SLC1A7: variants seen among roughly 807,000 people sequenced by gnomAD.
SLC1A7 encodes the protein solute carrier family 1 member 7.
SLC1A7 carries 40 observed loss-of-function variants against 47.7 expected under a neutral mutation model. The observed-to-expected ratio is 0.84, with a 90% CI of 0.65 to 1.09. SLC1A7 has a LOEUF of 1.09. SLC1A7 is among the 50% of genes least tolerant of loss of function. The pLI is 0.00. For missense variants in SLC1A7, 746 were observed against 769.5 expected (o/e 0.97, Z 0.36); for synonymous variants, 323 against 325.6 (o/e 0.99, Z 0.09).
chr1:53,127,914 C>T (rs996686422), intron 2 of SLC1A7, among the ~76,000 whole-genome samples: 4 of 152,208 alleles, frequency 2.6e-5, no homozygotes, highest in Non-Finnish European at 4.4e-5. Flanking sequence ...ACCTGGATTG[C>T]AGCCTAAGAC....
chr1:53,122,315 C>T (rs1644834853), intron 2 of SLC1A7, among the ~76,000 whole-genome samples: 1 of 152,204 alleles, frequency 6.6e-6, no homozygotes, highest in South Asian at 2.1e-4. Flanking sequence ...AGCCCCAAGC[C>T]CTGCAGCCAA....
intron 1 of SLC1A7, among the ~76,000 whole-genome samples, chr1:53,141,858 C>T (rs968814274): frequency 1.3e-5 from 2 of 152,178 alleles, no homozygotes; most frequent in Non-Finnish European, 2.9e-5. Flanking sequence ...CCACGTGTGG[C>T]GATGGGACCT....
intron 5 of SLC1A7, among the ~76,000 whole-genome samples, chr1:53,100,777 TCACA>T (rs955920278): frequency 1.6e-5 from 2 of 123,572 alleles, no homozygotes; most frequent in Non-Finnish European, 1.7e-5. Context: ...CTTGGTATAC[TCACA>T]CACTTTGCTT....
intron 2 of SLC1A7, among the ~76,000 whole-genome samples, chr1:53,130,427 C>T (rs74082782): frequency 0.067 from 10,225 of 151,924 alleles, 394 homozygotes; most frequent in Middle Eastern, 0.15. Flanking sequence ...AGCCAGGCTT[C>T]GAGGCCCAGA....
intron 2 of SLC1A7, among the ~76,000 whole-genome samples, chr1:53,118,020 G>A (rs1193901138): frequency 1.3e-5 from 2 of 152,210 alleles, no homozygotes; most frequent in African/African-American, 4.8e-5. Flanking sequence ...GGCAGCACAG[G>A]CCAGCCTCCC....
chr1:53,087,946 G>T lies in SLC1A7; in HGVS notation c.*63C>A. 3 of 1,036,278 alleles carry T rather than the reference G, an allele frequency of 2.9e-6. No homozygotes were observed. Among genetic ancestry groups the T allele is most frequent in the Non-Finnish European group, 4.1e-6 (3 of 734,528 alleles). 64.2% of individuals were successfully genotyped at this position (1,036,278 alleles called of 1,614,324 possible). On this transcript the variant is annotated 3_prime_UTR_variant, in exon 11 of 11. Coordinates refer to ENST00000371494, the MANE Select transcript of SLC1A7 (RefSeq NM_006671.6). ...GCCGGCTGCTCAGGAGGGTTGGAGA[G>T]TCGAGTTCCTGCCTCAGGACCCTGC...
At chr1:53,095,230 G>A (rs1035864383) in intron 5 of SLC1A7, among the ~76,000 whole-genome samples, 39 of 150,954 alleles carry the variant, frequency 2.6e-4, no homozygotes, top group Non-Finnish European at 5.3e-4. Flanking sequence ...ACAGGCACAG[G>A]TAAGCCAGGC....
At chr1:53,106,599 CAA>C (rs5774135) in intron 3 of SLC1A7, among the ~76,000 whole-genome samples, 8 of 137,504 alleles carry the variant, frequency 5.8e-5, no homozygotes, top group Admixed American at 1.5e-4. Flanking sequence ...GACACCGTCT[CAA>C]AAAAAAAAAA....
chr1:53,090,903 C>A (rs934402452), intron 7 of SLC1A7, 97 bp from the exon 8 acceptor site: 1 of 1,548,924 alleles, frequency 6.5e-7, no homozygotes, highest in Non-Finnish European at 8.7e-7. Flanking sequence ...GCCACCCCGC[C>A]AGGAGTGTTT....
At chr1:53,120,477 T>C (rs538398571) in intron 2 of SLC1A7, among the ~76,000 whole-genome samples, 75 of 152,098 alleles carry the variant, frequency 4.9e-4, no homozygotes, top group Non-Finnish European at 9.4e-4. Flanking sequence ...TTCCCTGCCC[T>C]GCGTCCCCTG....
chr1:53,093,735 A>ACAT (rs1053930624), intron 5 of SLC1A7, among the ~76,000 whole-genome samples, 175 bp from the exon 6 acceptor site: 7 of 40,086 alleles, frequency 1.7e-4, no homozygotes, highest in Middle Eastern at 0.012. Flanking sequence ...CAGTGCTCTC[A>ACAT]CGTCCTCCTC....
chr1:53,116,612 A>G (rs1383745644), intron 2 of SLC1A7, among the ~76,000 whole-genome samples: 1 of 152,196 alleles, frequency 6.6e-6, no homozygotes, highest in Non-Finnish European at 1.5e-5. Context: ...CCCTGCAATC[A>G]TCATCAAAGA....
At chr1:53,116,300 C>G (rs1288380) in intron 2 of SLC1A7, 22,942 of 152,390 alleles carry the variant, frequency 0.15, 2,231 homozygotes, top group Non-Finnish European at 0.2. Flanking sequence ...AGTGAAGCCT[C>G]CTTCTCTGGC....
At chr1:53,124,860 GGTGA>G in intron 2 of SLC1A7, among the ~76,000 whole-genome samples, 1 of 152,282 alleles carries the variant, frequency 6.6e-6, no homozygotes. Context: ...CTCCCGAGTG[GGTGA>G]GTAAAACAGG....
rs779868734 is a variant in SLC1A7 at position 53,142,553 on chromosome 1, G to T, written c.-104C>A. On this transcript the variant is annotated 5_prime_UTR_variant, in exon 1 of 11. It adds an upstream start codon to the 5' untranslated region. Coordinates refer to ENST00000371494, the MANE Select transcript of SLC1A7 (RefSeq NM_006671.6). ...GAGGGCTCTAGCCCCTCAGCAGGCA[G>T]GTGGTCGGAGTTGCTAAACACCAGT... 25 of 1,369,330 alleles carry T rather than the reference G, an allele frequency of 1.8e-5. No homozygotes were observed. Among genetic ancestry groups the T allele is most frequent in the Non-Finnish European group, 2.4e-5 (25 of 1,025,236 alleles). 84.8% of individuals were successfully genotyped at this position (1,369,330 alleles called of 1,614,324 possible). A position where few individuals can be genotyped will look rare whatever the true frequency, so the allele number is the denominator to read the frequency against.
In SLC1A7 at chr1:53,087,938, G is replaced by A; in HGVS notation, c.*71C>T. On this transcript the variant is annotated 3_prime_UTR_variant, in exon 11 of 11. Coordinates refer to ENST00000371494, the MANE Select transcript of SLC1A7 (RefSeq NM_006671.6). ...TGGCCCCTGCCGGCTGCTCAGGAGG[G>A]TTGGAGAGTCGAGTTCCTGCCTCAG... is the stretch of plus-strand genomic sequence containing the variant. 1.1e-6 allele frequency: 1 copy of A among 932,680 alleles called. No homozygotes were observed. Among genetic ancestry groups the A allele is most frequent in the Non-Finnish European group, 1.6e-6 (1 of 644,366 alleles). 57.8% of individuals were successfully genotyped at this position (932,680 alleles called of 1,614,324 possible).
At chr1:53,112,689 A>G (rs192172476) in intron 3 of SLC1A7, among the ~76,000 whole-genome samples, 42 of 152,342 alleles carry the variant, frequency 2.8e-4, no homozygotes, top group Non-Finnish European at 2.4e-4. Flanking sequence ...GGGAAAGGCC[A>G]GCACTTCCAA....
chr1:53,090,122 A>ACCC (rs767726890), intron 8 of SLC1A7, 188 bp from the exon 9 acceptor site: 1 of 641,828 alleles, frequency 1.6e-6, no homozygotes, highest in South Asian at 1.8e-5. Flanking sequence ...AGCCCCATGG[A>ACCC]CCCCCATTCC....
intron 2 of SLC1A7, 181 bp from the exon 3 acceptor site, chr1:53,115,154 C>A: frequency 1.6e-6 from 1 of 617,512 alleles, no homozygotes; most frequent in Non-Finnish European, 2.9e-6. Context: ...CCCTCTCCCC[C>A]ACGCCCCGGG....
Sources: gnomAD v4.1 joint callset for allele counts (sites outside exome capture counted in the v4.1 genomes callset) on GRCh38, gnomAD v4.1.1 for gene constraint, MANE v1.5 for transcripts, NCBI Gene and HGNC (gene_info 2026-07-23, HGNC 2026-07-21) for gene names.